RYR2: variants seen among roughly 807,000 people sequenced by gnomAD.
The protein encoded by RYR2 is cardiac muscle ryanodine receptor-calcium release channel.
In RYR2, 227 loss-of-function variants were observed where a neutral mutation model predicts 601.1. The ratio of observed to expected loss-of-function variants is 0.38; its 90% CI spans 0.34 to 0.42. The LOEUF is 0.42. Among genes scored for constraint, RYR2 ranks in the 10% least tolerant of loss-of-function variants. The probability of loss-of-function intolerance (pLI) is 1.00; values close to 1 mark genes in which losing one functional copy is unlikely to be tolerated. For synonymous variants in RYR2, 2,223 were observed against 2,175.1 expected (o/e 1.02, Z -0.61); for missense variants, 4,646 against 6,156.5 (o/e 0.75, Z 8.21).
intron 14 of RYR2, among the ~76,000 whole-genome samples, chr1:237,452,764 A>AT (rs1422491355): frequency 2.0e-5 from 3 of 150,886 alleles, no homozygotes; most frequent in African/African-American, 4.8e-5. Context: ...TTTCTGGATG[A>AT]TTTTTTTTCT....
chr1:237,823,026 G>T (rs2096127), intron 101 of RYR2, among the ~76,000 whole-genome samples: 39,922 of 151,964 alleles, frequency 0.26, 5,701 homozygotes, highest in East Asian at 0.61. Flanking sequence ...ACACCCAGAT[G>T]CATAAAGCAA....
At chr1:237,365,469 G>C (rs796471449) in intron 5 of RYR2, among the ~76,000 whole-genome samples, 35 of 152,282 alleles carry the variant, frequency 2.3e-4, no homozygotes, top group African/African-American at 7.9e-4. Context: ...TATCAACCAG[G>C]ACGTGGAACA....
At chr1:237,314,434 A>G (rs1285901322) in intron 2 of RYR2, among the ~76,000 whole-genome samples, 3 of 152,216 alleles carry the variant, frequency 2.0e-5, no homozygotes, top group Non-Finnish European at 4.4e-5. Flanking sequence ...AAACTTAAGA[A>G]GAAGCTCTCT....
chr1:237,748,320 G>A (rs1474874115), intron 80 of RYR2, among the ~76,000 whole-genome samples: 1 of 151,838 alleles, frequency 6.6e-6, no homozygotes. Flanking sequence ...AGGAGGATAG[G>A]CACTTTATAT....
rs1383489136 is a variant in RYR2 at position 237,180,800 on chromosome 1, TA to T, written c.49-89695del. Among the ~76,000 whole-genome samples, 1 of 147,888 alleles carries T rather than the reference TA, an allele frequency of 6.8e-6. No individual in the cohort carries two copies. The highest frequency in any genetic ancestry group is 1.5e-5 in the Non-Finnish European group (1 of 67,230). Reference sequence around the variant, plus strand: ...GCTAACATGAATTATACCAATTATATAATAATTACTAATTTCAATCATGTAA... The same window carrying T: ...GCTAACATGAATTATACCAATTATATATAATTACTAATTTCAATCATGTAA... On this transcript the variant is annotated intron_variant, in intron 1 of 104. Transcript: ENST00000366574. This position sits in a 1 kb window ranked among gnomAD's most constrained non-coding sequence, Gnocchi z 5.3.
intron 2 of RYR2, among the ~76,000 whole-genome samples, chr1:237,272,724 G>A (rs1689827711): frequency 6.6e-6 from 1 of 151,286 alleles, no homozygotes; most frequent in Admixed American, 6.6e-5. Flanking sequence ...ATTTAAAAAT[G>A]AACTAAAAGA....
At chr1:237,815,974 A>G (rs1322490677) in intron 100 of RYR2, among the ~76,000 whole-genome samples, 2 of 152,202 alleles carry the variant, frequency 1.3e-5, no homozygotes, top group Admixed American at 6.5e-5. Flanking sequence ...GTCAGCAGGA[A>G]TCACCAAGAG....
intron 1 of RYR2, among the ~76,000 whole-genome samples, chr1:237,130,318 G>A (rs937588597): frequency 6.6e-6 from 1 of 152,178 alleles, no homozygotes; most frequent in Non-Finnish European, 1.5e-5. Flanking sequence ...GTTATCCTCT[G>A]TGTTTGGGAT....
At chr1:237,202,372 G>C (rs1681288101) in intron 1 of RYR2, among the ~76,000 whole-genome samples, 1 of 152,074 alleles carries the variant, frequency 6.6e-6, no homozygotes, top group Non-Finnish European at 1.5e-5. Flanking sequence ...TTCCCTCAGT[G>C]CATGTCTTTT....
At position 237,113,916 on chromosome 1, in the gene RYR2, G is replaced by A. The variant is rs150440040; in HGVS notation, c.48+71347G>A. ...GTGAAGGAAATGAAGAACTCAGCACGGACCCTGCTTAGACTCCGGCAGAAC... is the reference window on the plus strand; with the variant it reads ...GTGAAGGAAATGAAGAACTCAGCACAGACCCTGCTTAGACTCCGGCAGAAC... On this transcript the variant is annotated intron_variant, in intron 1 of 104. Coordinates refer to ENST00000366574, the MANE Select transcript of RYR2 (RefSeq NM_001035.3). Among the ~76,000 whole-genome samples, 371 of 152,310 alleles carry A rather than the reference G, an allele frequency of 2.4e-3. 4 individuals are homozygous for A. Among genetic ancestry groups the A allele is most frequent in the African/African-American group, 8.3e-3 (347 of 41,568 alleles).
chr1:237,340,480 C>T (rs886780928), intron 3 of RYR2, among the ~76,000 whole-genome samples: 1 of 152,170 alleles, frequency 6.6e-6, no homozygotes, highest in East Asian at 1.9e-4. Context: ...TAATTACCTA[C>T]CCAACACTCT....
At chr1:237,443,408 C>A (rs952848101) in intron 13 of RYR2, among the ~76,000 whole-genome samples, 2 of 151,996 alleles carry the variant, frequency 1.3e-5, no homozygotes, top group African/African-American at 4.8e-5. Context: ...TTTTACTTAG[C>A]TTTTTAAAAA....
chr1:237,280,658 TAGAAC>T (rs1394361880), intron 2 of RYR2, among the ~76,000 whole-genome samples: 1 of 152,206 alleles, frequency 6.6e-6, no homozygotes, highest in Non-Finnish European at 1.5e-5. Flanking sequence ...AGAGTTCCGA[TAGAAC>T]AGAAGAGTTG....
chr1:237,818,910 C>CA (rs1335744317), intron 100 of RYR2, 126 bp from the exon 101 acceptor site: 1 of 763,166 alleles, frequency 1.3e-6, no homozygotes, highest in Non-Finnish European at 2.1e-6. Context: ...CAAAAAGAGG[C>CA]AATATAGAAT....
intron 91 of RYR2, among the ~76,000 whole-genome samples, chr1:237,786,834 G>T (rs1419501005): frequency 6.6e-6 from 1 of 152,002 alleles, no homozygotes; most frequent in East Asian, 1.9e-4. Context: ...TATTTTCTTT[G>T]GTCTGTTTTC....
chr1:237,779,249 AAGT>A (rs1694904601), intron 88 of RYR2, among the ~76,000 whole-genome samples: 1 of 152,204 alleles, frequency 6.6e-6, no homozygotes, highest in South Asian at 2.1e-4. Flanking sequence ...GACAGAGAAA[AAGT>A]AGCTATTATA....
chr1:237,673,961 A>G, intron 58 of RYR2, 135 bp from the exon 59 acceptor site: 2 of 584,044 alleles, frequency 3.4e-6, no homozygotes, highest in Admixed American at 3.2e-5. Flanking sequence ...CAGTAGAGGC[A>G]GAAGAGTCTT....
In RYR2 at chr1:237,416,757, C is replaced by CAGAGAG. The variant is rs10686135; in HGVS notation, c.774-291_774-290insGAGAGA. ...AGGGAGGGATGGGAAGAAACACACA[C>CAGAGAG]ACACACAGAGAGAGAGAGAGAGAGA... On this transcript the variant is annotated intron_variant, in intron 10 of 104. Transcript: ENST00000366574. Among the ~76,000 whole-genome samples the CAGAGAG allele has an allele frequency of 5.8e-5, 7 of 121,046 alleles. No homozygotes were observed. The South Asian group carries it at 1.5e-3, about 26-fold the overall frequency. 79.4% of individuals were successfully genotyped at this position (121,046 alleles called of 152,430 possible).
chr1:237,634,459 G>A (rs543841530), intron 43 of RYR2, among the ~76,000 whole-genome samples: 1 of 152,094 alleles, frequency 6.6e-6, no homozygotes, highest in East Asian at 1.9e-4. Flanking sequence ...CCAGGTGTAG[G>A]GGGGAGTGGT....
Sources: allele counts gnomAD v4.1 joint callset (sites outside exome capture counted in the v4.1 genomes callset), GRCh38; gene constraint gnomAD v4.1.1; non-coding constraint Gnocchi (gnomAD v3.1); transcripts MANE v1.5; gene names NCBI Gene and HGNC (gene_info 2026-07-23, HGNC 2026-07-21).